Variants in UBE2G2 observed in about 807,000 individuals in gnomAD.
UBE2G2 encodes ubiquitin-conjugating enzyme E2 G2.
In UBE2G2, 10 loss-of-function variants were observed where a neutral mutation model predicts 23.0. The ratio of observed to expected loss-of-function variants is 0.43; its 90% CI spans 0.27 to 0.74. UBE2G2 has a LOEUF of 0.74. Among genes scored for constraint, UBE2G2 ranks in the 30% least tolerant of loss-of-function variants. The pLI is 0.19. For missense variants in UBE2G2, 150 were observed against 218.3 expected, an observed-to-expected ratio of 0.69 and a Z score of 1.97; for synonymous variants, 86 against 81.3, an observed-to-expected ratio of 1.06 and a Z score of -0.31.
chr21:44,799,465 T>C (rs1293015628), intron 1 of UBE2G2, among the ~76,000 whole-genome samples: 1 of 152,254 alleles, frequency 6.6e-6, no homozygotes, highest in African/African-American at 2.4e-5. Context: ...ACCTTGCTGC[T>C]TCACCTTGTG....
At chr21:44,793,607 G>A (rs9981344) in intron 1 of UBE2G2, among the ~76,000 whole-genome samples, 31,054 of 152,032 alleles carry the variant, frequency 0.2, 4,293 homozygotes, top group East Asian at 0.57. Context: ...GCATATACAC[G>A]CGTACACAAA....
chr21:44,801,187 G>C, intron 1 of UBE2G2: 1 of 315,296 alleles, frequency 3.2e-6, no homozygotes, highest in Non-Finnish European at 4.6e-6. Context: ...GGGTAGGAAA[G>C]CACTCAAGAG....
At chr21:44,795,970 A>G (rs2083085745) in intron 1 of UBE2G2, among the ~76,000 whole-genome samples, 1 of 152,224 alleles carries the variant, frequency 6.6e-6, no homozygotes, top group Non-Finnish European at 1.5e-5. Context: ...ACCAACAATC[A>G]CCATTAGCTG....
intron 1 of UBE2G2, among the ~76,000 whole-genome samples, chr21:44,794,413 T>A (rs1170417594): frequency 1.3e-5 from 2 of 152,200 alleles, no homozygotes; most frequent in Non-Finnish European, 2.9e-5. Context: ...GAAGAAATCA[T>A]AGGAGAAAAT....
At chr21:44,774,042 C>G (rs782551510) in intron 4 of UBE2G2, 3 of 176,942 alleles carry the variant, frequency 1.7e-5, no homozygotes, top group Admixed American at 1.2e-4. Flanking sequence ...GGATTATTTA[C>G]AATACTTTTC....
rs1601171596 is a variant in UBE2G2, at chr21:44,770,391, A to C, written c.*986T>G. ...TCTTTGATGAGTATGGTCGGGAAAAAACTGTCTGTCCTTGTGATCAGCAAT... is the reference window on the plus strand; with the variant it reads ...TCTTTGATGAGTATGGTCGGGAAAACACTGTCTGTCCTTGTGATCAGCAAT... On this transcript the variant is annotated 3_prime_UTR_variant, in exon 6 of 6. Transcript: ENST00000345496. 6.6e-6 allele frequency: 1 copy of C among 152,122 alleles called. No individual in the cohort carries two copies. Among genetic ancestry groups the C allele is most frequent in the East Asian group, 1.9e-4 (1 of 5,196 alleles). The allele number at this position is 152,122 out of a possible 1,614,324, so 9.4% of individuals were successfully genotyped here.
intron 3 of UBE2G2, 29 bp from the exon 4 acceptor site, chr21:44,777,446 C>T: frequency 2.5e-6 from 4 of 1,600,580 alleles, no homozygotes; most frequent in Non-Finnish European, 3.4e-6. Context: ...GTAGACTGAA[C>T]TTCAAAGTAC....
At chr21:44,800,975 TC>T (rs2083131611) in intron 1 of UBE2G2, 1 of 152,208 alleles carries the variant, frequency 6.6e-6, no homozygotes, top group Non-Finnish European at 1.5e-5. Flanking sequence ...GGGTCTGAAC[TC>T]AGGCCCTGCT....
intron 1 of UBE2G2, chr21:44,800,622 A>T (rs557404555): frequency 5.9e-5 from 9 of 152,322 alleles, no homozygotes; most frequent in Admixed American, 5.9e-4. Context: ...CCAGATACCA[A>T]GGGAAGAATG....
At position 44,770,103 on chromosome 21, in the gene UBE2G2, G is replaced by A. The variant is rs1394141236; in HGVS notation, c.*1274C>T. 1 of 152,252 alleles carries A rather than the reference G, an allele frequency of 6.6e-6. No individual in the cohort carries two copies. The highest frequency in any genetic ancestry group is 1.5e-5 in the Non-Finnish European group (1 of 68,050). 9.4% of individuals were successfully genotyped at this position (152,252 alleles called of 1,614,324 possible). A position where few individuals can be genotyped will look rare whatever the true frequency, so the allele number is the denominator to read the frequency against. Reference sequence around the variant, plus strand: ...CCCACATGCCCACCTCCACAGCCCAGTCAAGTGTGGGGATAAGGCACTCCT... The same window carrying A: ...CCCACATGCCCACCTCCACAGCCCAATCAAGTGTGGGGATAAGGCACTCCT... On this transcript the variant is annotated 3_prime_UTR_variant, in exon 6 of 6. Transcript: ENST00000345496.
chr21:44,786,638 G>A (rs1375432278), intron 3 of UBE2G2, among the ~76,000 whole-genome samples: 1 of 152,124 alleles, frequency 6.6e-6, no homozygotes, highest in Non-Finnish European at 1.5e-5. Flanking sequence ...AGCAACTGGC[G>A]AATTCCAAAA....
rs781868771 is a variant in UBE2G2 at position 44,797,740 on chromosome 21, A to AAAAAAG, written c.43+3965_43+3966insCTTTTT. ...AAAAAAAAAAAAAAAAAAAAAAAAAAAGAGAAAATACCTGCTCACAGTCTA... is the reference window on the plus strand; with the variant it reads ...AAAAAAAAAAAAAAAAAAAAAAAAAAAAAAAGAGAGAAAATACCTGCTCACAGTCTA... On this transcript the variant is annotated intron_variant, in intron 1 of 5. Coordinates refer to ENST00000345496, the MANE Select transcript of UBE2G2 (RefSeq NM_003343.6). Among the ~76,000 whole-genome samples the AAAAAAG allele has an allele frequency of 2.6e-3, 301 of 114,356 alleles. 14 individuals carry two copies. The highest frequency in any genetic ancestry group is 3.9e-3 in the Non-Finnish European group (201 of 51,538). 75.0% of individuals were successfully genotyped at this position (114,356 alleles called of 152,430 possible).
intron 5 of UBE2G2, among the ~76,000 whole-genome samples, chr21:44,773,035 T>A (rs2082885883): frequency 6.6e-6 from 1 of 152,134 alleles, no homozygotes; most frequent in Admixed American, 6.5e-5. Flanking sequence ...CTGCTTCCTT[T>A]GCCCCAAAAC....
chr21:44,797,714 C>CAAAAAAAAAAAAA (rs60369865), intron 1 of UBE2G2, among the ~76,000 whole-genome samples: 8 of 39,318 alleles, frequency 2.0e-4, no homozygotes, highest in African/African-American at 9.1e-4. Flanking sequence ...AACTCCGTCT[C>CAAAAAAAAAAAAA]AAAAAAAAAA....
chr21:44,782,331 T>C (rs2082963418), intron 3 of UBE2G2, among the ~76,000 whole-genome samples: 1 of 152,230 alleles, frequency 6.6e-6, no homozygotes, highest in South Asian at 2.1e-4. Flanking sequence ...AGACAGTCCA[T>C]GTTCATGGAT....
rs781812304 is a variant in UBE2G2 at position 44,772,337 on chromosome 21, C to T, written c.386-848G>A. On this transcript the variant is annotated intron_variant, in intron 5 of 5. Coordinates refer to ENST00000345496, the MANE Select transcript of UBE2G2 (RefSeq NM_003343.6). This position sits in a 1 kb window ranked among gnomAD's most constrained non-coding sequence, Gnocchi z 5.4. ...TCAGCCCTCTCAGGATACACACTCG[C>T]GTCACAGGCCCTGACCTCACATCCC... Among the ~76,000 whole-genome samples, 1 of 152,120 alleles carries T rather than the reference C, an allele frequency of 6.6e-6. No individual in the cohort carries two copies. Among genetic ancestry groups the T allele is most frequent in the Admixed American group, 6.5e-5 (1 of 15,282 alleles).
At chr21:44,779,237 A>G in intron 3 of UBE2G2, 1 of 444,180 alleles carries the variant, frequency 2.3e-6, no homozygotes, top group South Asian at 1.6e-5. Flanking sequence ...CAGTCAGAAG[A>G]GAACAAAGCA....
rs532890136 is a variant in UBE2G2 at position 44,787,331 on chromosome 21, G to A, written c.125+589C>T. Among the ~76,000 whole-genome samples, 5 of 152,246 alleles carry A rather than the reference G, an allele frequency of 3.3e-5. No homozygotes were observed. The South Asian group carries it at 6.2e-4, about 19-fold the overall frequency. On this transcript the variant is annotated intron_variant, in intron 3 of 5. Transcript: ENST00000345496. Reference sequence around the variant, plus strand: ...AACGTCACCCTAAGTTAAATGCCACGAATCCCAGAACCACACTGCTCACTT... The same window carrying A: ...AACGTCACCCTAAGTTAAATGCCACAAATCCCAGAACCACACTGCTCACTT...
intron 1 of UBE2G2, among the ~76,000 whole-genome samples, chr21:44,789,810 T>C (rs1476818073): frequency 2.6e-5 from 4 of 151,956 alleles, no homozygotes; most frequent in African/African-American, 9.7e-5. Context: ...TATTGGGAGG[T>C]GGGACCTTTG....
Sources: gnomAD v4.1 joint callset for allele counts (sites outside exome capture counted in the v4.1 genomes callset) on GRCh38, gnomAD v4.1.1 for gene constraint, Gnocchi (gnomAD v3.1) non-coding constraint, MANE v1.5 for transcripts, NCBI Gene and HGNC (gene_info 2026-07-23, HGNC 2026-07-21) for gene names.